The following MIGA1 variants were observed in gnomAD, a reference collection of about 807,000 sequenced individuals.
The protein encoded by MIGA1 is family with sequence similarity 73, member A.
In MIGA1, 58 loss-of-function variants were observed where a neutral mutation model predicts 82.0. That is an observed-to-expected ratio of 0.71 (90% CI 0.57 to 0.88). The LOEUF (loss-of-function observed/expected upper bound fraction) is 0.88, where lower values mean the gene tolerates loss of function less well. Among genes scored for constraint, MIGA1 ranks in the 40% least tolerant of loss-of-function variants. The pLI is 0.00. For missense variants in MIGA1, 751 were observed against 749.1 expected (o/e 1.00, Z -0.03); for synonymous variants, 249 against 253.6 (o/e 0.98, Z 0.17).
At chr1:77,781,230 A>G (rs956016190) in intron 1 of MIGA1, among the ~76,000 whole-genome samples, 3 of 152,164 alleles carry the variant, frequency 2.0e-5, no homozygotes, top group Admixed American at 6.5e-5. Context: ...TAATCTTTTA[A>G]GAATATCTCT....
In MIGA1 at chr1:77,808,973, T is replaced by C. The variant is rs569909370; in HGVS notation, c.637+1872T>C. On this transcript the variant is annotated intron_variant, in intron 5 of 15. Transcript: ENST00000370791. ...AATATTACAAGTTTATGGCTGGATA[T>C]GGTGTCATGTACCTGTAGTCTTACC... 4.6e-5 allele frequency among the ~76,000 whole-genome samples: 7 copies of C among 152,294 alleles called. No homozygotes were observed. In the South Asian group the frequency reaches 1.2e-3, roughly 27 times the overall value.
intron 2 of MIGA1, among the ~76,000 whole-genome samples, chr1:77,786,866 A>T (rs1164113469): frequency 6.6e-6 from 1 of 152,216 alleles, no homozygotes; most frequent in African/African-American, 2.4e-5. Flanking sequence ...CCAAAGTCAC[A>T]TCCACATTTT....
At chr1:77,865,853 A>AGG (rs1236901188) in intron 13 of MIGA1, among the ~76,000 whole-genome samples, 4 of 152,026 alleles carry the variant, frequency 2.6e-5, no homozygotes, top group Non-Finnish European at 5.9e-5. Flanking sequence ...ATTTATAAAA[A>AGG]TGAAATACCT....
intron 2 of MIGA1, among the ~76,000 whole-genome samples, chr1:77,800,624 T>C (rs1360048735): frequency 6.6e-6 from 1 of 152,240 alleles, no homozygotes; most frequent in African/African-American, 2.4e-5. Flanking sequence ...TTAGTACTTA[T>C]ATAACTTAGT....
intron 5 of MIGA1, chr1:77,811,325 G>A (rs1683318947): frequency 3.7e-6 from 6 of 1,606,434 alleles, no homozygotes; most frequent in Non-Finnish European, 4.3e-6. Flanking sequence ...AAAGTACCGG[G>A]AACTCTAGCA....
At position 77,814,974 on chromosome 1, in the gene MIGA1, T is replaced by C. The variant is rs1683517533; in HGVS notation, c.772-134T>C. On this transcript the variant is annotated intron_variant, in intron 6 of 15. Coordinates refer to ENST00000370791, the MANE Select transcript of MIGA1 (RefSeq NM_198549.4). Reference sequence around the variant, plus strand: ...CCAGGCCTCTTGACTTCTGCTGCTGTACTCTTTCCACCATCTCTCAGTTGT... The same window carrying C: ...CCAGGCCTCTTGACTTCTGCTGCTGCACTCTTTCCACCATCTCTCAGTTGT... 1.3e-5 allele frequency: 7 copies of C among 557,560 alleles called. No homozygotes were observed. In the South Asian group the frequency reaches 2.3e-4, roughly 18 times the overall value. 34.5% of individuals were successfully genotyped at this position (557,560 alleles called of 1,614,324 possible).
At chr1:77,829,655 G>C (rs955631852) in intron 7 of MIGA1, among the ~76,000 whole-genome samples, 4 of 152,000 alleles carry the variant, frequency 2.6e-5, no homozygotes, top group Admixed American at 2.6e-4. Flanking sequence ...ATTTTTAGTA[G>C]AGACGGGGTT....
intron 7 of MIGA1, among the ~76,000 whole-genome samples, chr1:77,830,025 G>A (rs1242791890): frequency 6.6e-6 from 1 of 151,836 alleles, no homozygotes; most frequent in Non-Finnish European, 1.5e-5. Context: ...AATAAATCTT[G>A]ACACTTGGCA....
intron 7 of MIGA1, among the ~76,000 whole-genome samples, chr1:77,837,370 G>T (rs959120567): frequency 3.2e-4 from 49 of 152,024 alleles, no homozygotes; most frequent in African/African-American, 1.2e-3. Flanking sequence ...CTACTGTATT[G>T]GACACCAGGG....
rs1452623447 is a variant in MIGA1 at position 77,859,584 on chromosome 1, T to C, written c.1188+198T>C. On this transcript the variant is annotated intron_variant, in intron 10 of 15. Coordinates refer to ENST00000370791, the MANE Select transcript of MIGA1 (RefSeq NM_198549.4). ...TTCCATATTTCATTATCCTCTCCCATGGCTTCCCAGGCCCACGACACTTTG... is the reference window on the plus strand; with the variant it reads ...TTCCATATTTCATTATCCTCTCCCACGGCTTCCCAGGCCCACGACACTTTG... 4 of 520,166 alleles carry C rather than the reference T, an allele frequency of 7.7e-6. No homozygotes were observed. In the East Asian group the frequency reaches 1.1e-4, roughly 15 times the overall value. 32.2% of individuals were successfully genotyped at this position (520,166 alleles called of 1,614,324 possible). A position where few individuals can be genotyped will look rare whatever the true frequency, so the allele number is the denominator to read the frequency against.
intron 8 of MIGA1, among the ~76,000 whole-genome samples, chr1:77,858,125 G>A (rs1037777817): frequency 6.6e-6 from 1 of 152,110 alleles, no homozygotes; most frequent in African/African-American, 2.4e-5. Flanking sequence ...TGAGGCAGGC[G>A]GATCACTTGA....
chr1:77,842,650 C>T (rs1684670900), intron 7 of MIGA1, among the ~76,000 whole-genome samples: 2 of 152,182 alleles, frequency 1.3e-5, no homozygotes, highest in South Asian at 4.1e-4. Flanking sequence ...CGGGTTCAAG[C>T]AATTCTCATG....
Position 77,779,746 on chromosome 1 carries a change from CA to C in MIGA1, c.81+11del, listed in dbSNP as rs776130262. 31 of 1,558,168 alleles carry C rather than the reference CA, an allele frequency of 2.0e-5. No homozygotes were observed. In the South Asian group the frequency reaches 3.5e-4, roughly 18 times the overall value. On this transcript the variant is annotated intron_variant, in intron 1 of 15. Coordinates refer to ENST00000370791, the MANE Select transcript of MIGA1 (RefSeq NM_198549.4). Reference sequence around the variant, plus strand: ...TGGCCTGGAGCTCCAGGTACAGGGCCAGGGGCGGGGTGGGGTGGAGAGGCGG... The same window carrying C: ...TGGCCTGGAGCTCCAGGTACAGGGCCGGGGCGGGGTGGGGTGGAGAGGCGG...
chr1:77,859,797 G>C, intron 10 of MIGA1: 1 of 407,884 alleles, frequency 2.5e-6, no homozygotes. Context: ...ATTTATTTGA[G>C]ACTGTAATAT....
intron 2 of MIGA1, among the ~76,000 whole-genome samples, chr1:77,798,491 G>A (rs1682750043): frequency 6.6e-6 from 1 of 152,196 alleles, no homozygotes; most frequent in Non-Finnish European, 1.5e-5. Flanking sequence ...AGCGAAAGGA[G>A]TTTCCCCTTA....
chr1:77,863,983 G>A lies in MIGA1; in HGVS notation c.1464G>A (p.Gln488=), dbSNP rs762292754. 17 of 1,608,894 alleles carry A rather than the reference G, an allele frequency of 1.1e-5. No individual in the cohort carries two copies. The Admixed American group carries it at 2.4e-4, about 23-fold the overall frequency. The change falls in exon 13 of 16, where the codon CAG becomes CAA. Residue 488 remains glutamine (Q), a synonymous_variant. Coordinates refer to ENST00000370791, the MANE Select transcript of MIGA1 (RefSeq NM_198549.4). ...TGGAAAACCCACCCACATCCATACAGAATGTAGTAAATAATCGATGGCTAA... is the reference window on the plus strand; with the variant it reads ...TGGAAAACCCACCCACATCCATACAAAATGTAGTAAATAATCGATGGCTAA...
At chr1:77,784,878 T>G (rs1432140766) in intron 2 of MIGA1, among the ~76,000 whole-genome samples, 1 of 152,108 alleles carries the variant, frequency 6.6e-6, no homozygotes, top group Non-Finnish European at 1.5e-5. Context: ...AAAACTCCCA[T>G]TTTTGAAACT....
chr1:77,815,363 A>T, intron 7 of MIGA1, 132 bp downstream of exon 7: 1 of 587,438 alleles, frequency 1.7e-6, no homozygotes, highest in Non-Finnish European at 2.5e-6. Flanking sequence ...CAAGAGAAAA[A>T]ATTTTTATCA....
chr1:77,791,041 G>C (rs1418407408), intron 2 of MIGA1, among the ~76,000 whole-genome samples: 1 of 152,042 alleles, frequency 6.6e-6, no homozygotes, highest in Admixed American at 6.6e-5. Flanking sequence ...CCAAGAGTTT[G>C]AGACCAGCCT....
Sources: allele counts gnomAD v4.1 joint callset (sites outside exome capture counted in the v4.1 genomes callset), GRCh38; gene constraint gnomAD v4.1.1; transcripts MANE v1.5; gene names NCBI Gene and HGNC (gene_info 2026-07-23, HGNC 2026-07-21).